CNTNAP2: variants seen among roughly 807,000 people sequenced by gnomAD.
CNTNAP2 encodes contactin associated protein 2.
CNTNAP2 carries 98 observed loss-of-function variants against 155.2 expected under a neutral mutation model. The ratio of observed to expected loss-of-function variants is 0.63; its 90% CI spans 0.54 to 0.75. CNTNAP2 has a LOEUF of 0.75. Ranked by LOEUF, CNTNAP2 falls within the 30% of genes least tolerant of loss-of-function variation. The probability of loss-of-function intolerance (pLI) is 0.00; values close to 1 mark genes in which losing one functional copy is unlikely to be tolerated. For missense variants in CNTNAP2, 1,727 were observed against 1,688.1 expected (o/e 1.02, Z -0.40); for synonymous variants, 651 against 631.2 (o/e 1.03, Z -0.47).
intron 3 of CNTNAP2, among the ~76,000 whole-genome samples, chr7:147,017,720 T>TA (rs991901132): frequency 2.0e-5 from 3 of 149,094 alleles, no homozygotes; most frequent in African/African-American, 7.5e-5. Context: ...TTCAAAATGT[T>TA]AAAAAAATGA....
intron 1 of CNTNAP2, among the ~76,000 whole-genome samples, chr7:146,291,348 A>G (rs1164516289): frequency 2.0e-5 from 3 of 152,192 alleles, no homozygotes; most frequent in African/African-American, 4.8e-5. Context: ...AAATTTATAA[A>G]TGATTGAAAG....
At chr7:146,153,832 T>C (rs563040318) in intron 1 of CNTNAP2, among the ~76,000 whole-genome samples, 1 of 152,182 alleles carries the variant, frequency 6.6e-6, no homozygotes. Flanking sequence ...TAATCTATTA[T>C]CATAATGTTT....
chr7:147,140,714 A>G (rs936013873), intron 8 of CNTNAP2, among the ~76,000 whole-genome samples: 1 of 152,084 alleles, frequency 6.6e-6, no homozygotes, highest in African/African-American at 2.4e-5. Flanking sequence ...GGTTGAGCAC[A>G]GCTTGTCAGC....
chr7:146,751,293 T>C (rs1801899538), intron 1 of CNTNAP2, among the ~76,000 whole-genome samples: 1 of 152,192 alleles, frequency 6.6e-6, no homozygotes. Context: ...TATTTTTACC[T>C]TTTTGCCAAC....
At chr7:147,599,795 C>T (rs1488697757) in intron 12 of CNTNAP2, among the ~76,000 whole-genome samples, 1 of 152,158 alleles carries the variant, frequency 6.6e-6, no homozygotes, top group African/African-American at 2.4e-5. Flanking sequence ...AAGGCTCATT[C>T]TTACTCTAAC....
chr7:146,883,043 T>A (rs1453308679), intron 3 of CNTNAP2, among the ~76,000 whole-genome samples: 1 of 152,188 alleles, frequency 6.6e-6, no homozygotes, highest in Non-Finnish European at 1.5e-5. Flanking sequence ...CAAATGTCAC[T>A]TTTTGCAGAA....
At chr7:146,699,876 A>G (rs9640482) in intron 1 of CNTNAP2, among the ~76,000 whole-genome samples, 123,451 of 152,070 alleles carry the variant, frequency 0.81, 50,991 homozygotes, top group South Asian at 0.93. Flanking sequence ...GCTGAGGCAC[A>G]AGAATCTCTT....
chr7:148,106,493 G>GAGAGAGATAGATATATATATATATATAT (rs1554472856), intron 15 of CNTNAP2, among the ~76,000 whole-genome samples: 5 of 124,922 alleles, frequency 4.0e-5, no homozygotes, highest in African/African-American at 1.7e-4. Flanking sequence ...CACACTTTGA[G>GAGAGAGATAGATATATATATATATATAT]ATATATATAT....
At chr7:146,887,598 T>G (rs1795693446) in intron 3 of CNTNAP2, among the ~76,000 whole-genome samples, 1 of 152,196 alleles carries the variant, frequency 6.6e-6, no homozygotes, top group African/African-American at 2.4e-5. Flanking sequence ...TGTATTTTTT[T>G]TCTAAAATTT....
At chr7:148,129,073 G>T (rs1247058472) in intron 16 of CNTNAP2, among the ~76,000 whole-genome samples, 1 of 152,084 alleles carries the variant, frequency 6.6e-6, no homozygotes, top group Non-Finnish European at 1.5e-5. Context: ...CCAAGGGCAG[G>T]CTACTTCCAG....
intron 8 of CNTNAP2, among the ~76,000 whole-genome samples, chr7:147,152,386 A>G (rs1344631248): frequency 6.6e-6 from 1 of 152,064 alleles, no homozygotes; most frequent in East Asian, 1.9e-4. Context: ...ATGCCTATGA[A>G]TTATACTTAA....
intron 8 of CNTNAP2, among the ~76,000 whole-genome samples, chr7:147,293,209 C>T (rs1440575448): frequency 6.6e-6 from 1 of 152,146 alleles, no homozygotes; most frequent in Admixed American, 6.5e-5. Flanking sequence ...TGTAACTTTA[C>T]AATAAGGCAT....
intron 11 of CNTNAP2, among the ~76,000 whole-genome samples, chr7:147,544,327 C>CAAAA (rs576462569): frequency 9.9e-5 from 15 of 151,094 alleles, no homozygotes; most frequent in Non-Finnish European, 2.1e-4. Context: ...CCCAGACTTC[C>CAAAA]AAAAAAAAAT....
chr7:147,710,502 C>T (rs1796387385), intron 13 of CNTNAP2, among the ~76,000 whole-genome samples: 1 of 152,166 alleles, frequency 6.6e-6, no homozygotes, highest in Admixed American at 6.6e-5. Context: ...CTTCAAACCT[C>T]AGCTTAAGCA....
intron 21 of CNTNAP2, among the ~76,000 whole-genome samples, chr7:148,363,828 G>A (rs1006568069): frequency 1.5e-5 from 2 of 137,556 alleles, no homozygotes; most frequent in African/African-American, 2.6e-5. Flanking sequence ...GGAGAGGCAC[G>A]AGCGGGAACT....
chr7:146,709,879 A>C (rs1801033583), intron 1 of CNTNAP2, among the ~76,000 whole-genome samples: 1 of 152,200 alleles, frequency 6.6e-6, no homozygotes, highest in South Asian at 2.1e-4. Flanking sequence ...CCAAGAACTA[A>C]CATCTGTTTA....
chr7:146,134,971 G>GT (rs1327179609), intron 1 of CNTNAP2, among the ~76,000 whole-genome samples: 1 of 151,748 alleles, frequency 6.6e-6, no homozygotes, highest in African/African-American at 2.4e-5. Context: ...GATTGGAATA[G>GT]TTTCAGAAGG....
intron 12 of CNTNAP2, among the ~76,000 whole-genome samples, chr7:147,566,603 T>C (rs1242162971): frequency 6.6e-6 from 1 of 152,054 alleles, no homozygotes; most frequent in Admixed American, 6.6e-5. Flanking sequence ...AGAGAGCATG[T>C]GAAGGCAGAA....
chr7:147,090,573 ATAATT>A (rs1043448459), intron 4 of CNTNAP2, among the ~76,000 whole-genome samples: 2 of 152,174 alleles, frequency 1.3e-5, no homozygotes, highest in African/African-American at 4.8e-5. Context: ...TAGAATTAAA[ATAATT>A]TAATCTTCAG....
Sources: allele counts gnomAD v4.1 joint callset (sites outside exome capture counted in the v4.1 genomes callset), GRCh38; gene constraint gnomAD v4.1.1; transcripts MANE v1.5; gene names NCBI Gene and HGNC (gene_info 2026-07-23, HGNC 2026-07-21).